The following PARD3B variants were observed in gnomAD, a reference collection of about 807,000 sequenced individuals.
PARD3B encodes the protein par-3 family cell polarity regulator beta, also known as partitioning defective 3 homolog B.
Under a neutral mutation model 130.2 loss-of-function variants are expected in PARD3B, and 103 were observed. That is an observed-to-expected ratio of 0.79 (90% CI 0.67 to 0.93). The LOEUF is 0.93. Among genes scored for constraint, PARD3B ranks in the 40% least tolerant of loss-of-function variants. The pLI is 0.00. For synonymous variants in PARD3B, 583 were observed against 553.2 expected, an observed-to-expected ratio of 1.05 and a Z score of -0.76; for missense variants, 1,609 against 1,499.2, an observed-to-expected ratio of 1.07 and a Z score of -1.21.
At chr2:204,826,036 T>C (rs1252323185) in intron 2 of PARD3B, among the ~76,000 whole-genome samples, 1 of 152,152 alleles carries the variant, frequency 6.6e-6, no homozygotes, top group African/African-American at 2.4e-5. Flanking sequence ...CACTTCCACT[T>C]TTATTGCTTT....
chr2:204,657,733 G>A (rs532809453), intron 1 of PARD3B, among the ~76,000 whole-genome samples: 24 of 152,158 alleles, frequency 1.6e-4, no homozygotes, highest in South Asian at 1.5e-3. Context: ...AGAACAAATA[G>A]CAAAATGAAT....
At chr2:204,830,263 T>C (rs1245328627) in intron 2 of PARD3B, among the ~76,000 whole-genome samples, 1 of 152,122 alleles carries the variant, frequency 6.6e-6, no homozygotes, top group Non-Finnish European at 1.5e-5. Context: ...ATTTACCAGA[T>C]CCCTCTCCAA....
intron 10 of PARD3B, among the ~76,000 whole-genome samples, chr2:205,151,708 C>G (rs2033768679): frequency 6.6e-6 from 1 of 152,100 alleles, no homozygotes; most frequent in African/African-American, 2.4e-5. Context: ...TGTCTTGACT[C>G]TTCATCCAAT....
chr2:205,234,952 A>C (rs1241684946), intron 15 of PARD3B, among the ~76,000 whole-genome samples: 1 of 152,236 alleles, frequency 6.6e-6, no homozygotes. Context: ...GGATCAAAGA[A>C]GGAAGCCAGA....
In PARD3B at chr2:205,562,710, T is replaced by C. The variant is rs2053181129; in HGVS notation, c.3260+9307T>C. 1.3e-5 allele frequency among the ~76,000 whole-genome samples: 2 copies of C among 152,228 alleles called. No individual in the cohort carries two copies. The highest frequency in any genetic ancestry group is 2.9e-5 in the Non-Finnish European group (2 of 68,046). On this transcript the variant is annotated intron_variant, in intron 22 of 22. Transcript: ENST00000406610. The surrounding 1 kb of genome is among the most constrained non-coding windows in gnomAD (Gnocchi z 5.4). ...CATTTCTCATAATCTTTGGTAGTTC[T>C]TGATGTTTTCCTATCTTATTGCCAT...
intron 2 of PARD3B, among the ~76,000 whole-genome samples, chr2:204,834,172 G>A (rs1432040572): frequency 1.3e-5 from 2 of 152,012 alleles, no homozygotes; most frequent in South Asian, 2.1e-4. Context: ...GTTTTCCTTT[G>A]TGGTATCTCT....
chr2:204,910,295 A>T (rs754825458), intron 2 of PARD3B, among the ~76,000 whole-genome samples: 1 of 152,146 alleles, frequency 6.6e-6, no homozygotes, highest in Non-Finnish European at 1.5e-5. Flanking sequence ...CTGGGCTAAG[A>T]CCTTAAAAAA....
At chr2:204,827,338 G>A (rs879381935) in intron 2 of PARD3B, among the ~76,000 whole-genome samples, 3 of 152,244 alleles carry the variant, frequency 2.0e-5, no homozygotes, top group Non-Finnish European at 4.4e-5. Context: ...TTATAATAGG[G>A]AAAGAAGCTA....
intron 2 of PARD3B, among the ~76,000 whole-genome samples, chr2:204,800,408 A>G (rs1366243997): frequency 6.6e-6 from 1 of 152,102 alleles, no homozygotes; most frequent in Non-Finnish European, 1.5e-5. Context: ...AATTTAAGTT[A>G]GTGGCCTCAA....
At position 204,927,819 on chromosome 2, in the gene PARD3B, C is replaced by T. The variant is rs144338748; in HGVS notation, c.223-37333C>T. Among the ~76,000 whole-genome samples, 250 of 150,608 alleles carry T rather than the reference C, an allele frequency of 1.7e-3. 2 individuals carry two copies. The highest frequency in any genetic ancestry group is 6.0e-3 in the African/African-American group (244 of 40,932). ...AGCAGAGCATTTAGATAGATAGCTA[C>T]GTAGGTAGGTAGGTAGGTACGTAGG... is the stretch of plus-strand genomic sequence containing the variant. On this transcript the variant is annotated intron_variant, in intron 2 of 22. Coordinates refer to ENST00000406610, the MANE Select transcript of PARD3B (RefSeq NM_001302769.2).
intron 3 of PARD3B, among the ~76,000 whole-genome samples, chr2:205,033,833 C>T (rs1697597092): frequency 6.6e-6 from 1 of 152,054 alleles, no homozygotes. Flanking sequence ...TAAAGTATCA[C>T]AAACTGAAAG....
intron 2 of PARD3B, among the ~76,000 whole-genome samples, chr2:204,715,435 C>G (rs2038671885): frequency 6.6e-6 from 1 of 150,876 alleles, no homozygotes; most frequent in Non-Finnish European, 1.5e-5. Context: ...GTCTGCTCTT[C>G]AGGCTATTTC....
intron 18 of PARD3B, among the ~76,000 whole-genome samples, chr2:205,374,234 T>G (rs1163430651): frequency 6.6e-6 from 1 of 151,934 alleles, no homozygotes; most frequent in African/African-American, 2.4e-5. Flanking sequence ...ACAACCACTT[T>G]ATTATTATTA....
At chr2:205,415,586 A>T (rs558893386) in intron 19 of PARD3B, among the ~76,000 whole-genome samples, 1 of 152,304 alleles carries the variant, frequency 6.6e-6, no homozygotes, top group Non-Finnish European at 1.5e-5. Flanking sequence ...ATTGAATGAA[A>T]AATATTCAGA....
chr2:204,946,499 T>A (rs1006212904), intron 2 of PARD3B, among the ~76,000 whole-genome samples: 5 of 152,196 alleles, frequency 3.3e-5, no homozygotes, highest in African/African-American at 1.2e-4. Flanking sequence ...GATTCCATCA[T>A]TGACCATCTT....
intron 18 of PARD3B, among the ~76,000 whole-genome samples, chr2:205,393,685 A>G (rs1255304647): frequency 2.0e-5 from 3 of 152,152 alleles, no homozygotes; most frequent in Non-Finnish European, 4.4e-5. Flanking sequence ...GTGCACTAAG[A>G]GGATGTAGGT....
Position 205,083,312 on chromosome 2 carries a change from C to T in PARD3B, c.505-21114C>T, listed in dbSNP as rs75422634. 6.9e-3 allele frequency among the ~76,000 whole-genome samples: 986 copies of T among 143,392 alleles called. 6 individuals carry two copies. The highest frequency in any genetic ancestry group is 0.032 in the East Asian group (156 of 4,886). 94.1% of individuals were successfully genotyped at this position (143,392 alleles called of 152,430 possible). A position where few individuals can be genotyped will look rare whatever the true frequency, so the allele number is the denominator to read the frequency against. The stretch of plus-strand genomic sequence containing the variant: ...TTCAAAAGATACATAACCTCAGTAG[C>T]ATAAAAGTGGTTTTAAGAATAGAAA... On this transcript the variant is annotated intron_variant, in intron 4 of 22. Transcript: ENST00000406610.
In PARD3B at chr2:204,690,596, AGGGAAT is replaced by A. The variant is rs529674610; in HGVS notation, c.222+4317_222+4322del. Among the ~76,000 whole-genome samples the A allele has an allele frequency of 4.1e-4, 62 of 152,258 alleles. 1 individual carries two copies. The highest frequency in any genetic ancestry group is 1.4e-3 in the African/African-American group (60 of 41,570). ...CTGGCCTCTGACATTGGAATCAGTA[AGGGAAT>A]GGATTCTCCCCTAAAGCCTCCAGAG... On this transcript the variant is annotated intron_variant, in intron 2 of 22. Coordinates refer to ENST00000406610, the MANE Select transcript of PARD3B (RefSeq NM_001302769.2).
intron 2 of PARD3B, among the ~76,000 whole-genome samples, chr2:204,747,919 A>G (rs549920704): frequency 6.6e-6 from 1 of 152,264 alleles, no homozygotes; most frequent in Non-Finnish European, 1.5e-5. Context: ...TGGCTTTAAC[A>G]TTTTAAGAGC....
Sources: gnomAD v4.1 joint callset for allele counts (sites outside exome capture counted in the v4.1 genomes callset) on GRCh38, gnomAD v4.1.1 for gene constraint, Gnocchi (gnomAD v3.1) non-coding constraint, MANE v1.5 for transcripts, NCBI Gene and HGNC (gene_info 2026-07-23, HGNC 2026-07-21) for gene names.